ZNF675: variants seen among roughly 807,000 people sequenced by gnomAD.
ZNF675 encodes TRAF6 inhibitory zinc finger.
Under a neutral mutation model 56.1 loss-of-function variants are expected in ZNF675, and 36 were observed. The ratio of observed to expected loss-of-function variants is 0.64; its 90% CI spans 0.49 to 0.85. ZNF675 has a LOEUF of 0.85. ZNF675 is among the 40% of genes least tolerant of loss of function. The probability of loss-of-function intolerance (pLI) is 0.00; values close to 1 mark genes in which losing one functional copy is unlikely to be tolerated. For synonymous variants in ZNF675, 200 were observed against 218.9 expected (o/e 0.91, Z 0.76); for missense variants, 663 against 654.2 (o/e 1.01, Z -0.15).
chr19:23,658,187 T>C (rs1037605014), intron 3 of ZNF675, among the ~76,000 whole-genome samples: 1 of 151,740 alleles, frequency 6.6e-6, no homozygotes, highest in African/African-American at 2.4e-5. Context: ...GGTGAAACCC[T>C]GTCTCTACTA....
chr19:23,664,682 G>A (rs1426690044), intron 1 of ZNF675, among the ~76,000 whole-genome samples: 1 of 152,194 alleles, frequency 6.6e-6, no homozygotes, highest in Admixed American at 6.5e-5. Context: ...CGGGAACAGT[G>A]GCTCACACCT....
chr19:23,653,729 C>A lies in ZNF675; in HGVS notation c.1204G>T (p.Gly402Cys). Residue 402 changes from glycine (G) to cysteine (C), a missense_variant, in exon 4 of 4, where the codon GGC becomes TGC. Coordinates refer to ENST00000359788, the MANE Select transcript of ZNF675 (RefSeq NM_138330.3). ...GCTGAGGAGTGTTTAAAAGCTTTGC[C>A]ACATTCTTTACATTTGTAGGGTTTC... ...EEKPYKCKEC[G>C]KAFKHSSALT... 6.2e-7 allele frequency: 1 copy of A among 1,613,654 alleles called. No homozygotes were observed. Among genetic ancestry groups the A allele is most frequent in the South Asian group, 1.1e-5 (1 of 91,064 alleles).
At position 23,653,038 on chromosome 19, in the gene ZNF675, T is replaced by C. The variant is rs1327908887; in HGVS notation, c.*188A>G. On this transcript the variant is annotated 3_prime_UTR_variant, in exon 4 of 4. Transcript: ENST00000359788. The stretch of plus-strand genomic sequence containing the variant: ...TAAACGCTTTCCTGTGCAATAAGGT[T>C]TGAGCCTTAATTAACAGTATTGCCA... The C allele has an allele frequency of 3.5e-6, 2 of 565,032 alleles. No homozygotes were observed. Among genetic ancestry groups the C allele is most frequent in the African/African-American group, 3.7e-5 (2 of 53,360 alleles). The allele number at this position is 565,032 out of a possible 1,614,324, so 35.0% of individuals were successfully genotyped here.
intron 1 of ZNF675, among the ~76,000 whole-genome samples, chr19:23,668,546 C>T (rs6511483): frequency 0.97 from 147,861 of 152,218 alleles, 71,980 homozygotes; most frequent in Middle Eastern, 1. Flanking sequence ...AGCCCTTGGG[C>T]GGTCGATGGG....
intron 1 of ZNF675, among the ~76,000 whole-genome samples, chr19:23,663,574 C>T (rs1320411978): frequency 6.6e-6 from 1 of 152,076 alleles, no homozygotes; most frequent in Non-Finnish European, 1.5e-5. Context: ...TGCATGTAAT[C>T]CCAGCTACTC....
intron 1 of ZNF675, among the ~76,000 whole-genome samples, chr19:23,674,141 T>G (rs1968264297): frequency 6.6e-6 from 1 of 151,278 alleles, no homozygotes; most frequent in Admixed American, 6.6e-5. Context: ...AGGCAGAGGT[T>G]GCAGTGAGCC....
chr19:23,660,082 G>A (rs1369390619), intron 3 of ZNF675, among the ~76,000 whole-genome samples: 1 of 151,320 alleles, frequency 6.6e-6, no homozygotes, highest in African/African-American at 2.4e-5. Flanking sequence ...AAAATCCTCT[G>A]CCAAAATTCA....
intron 1 of ZNF675, 40 bp downstream of exon 1, chr19:23,686,991 C>T (rs750718536): frequency 6.2e-7 from 1 of 1,613,222 alleles, no homozygotes; most frequent in Admixed American, 1.7e-5. Context: ...TTCCAACCAG[C>T]CCCTTCCCCC....
chr19:23,655,203 C>G (rs910742568), intron 3 of ZNF675: 2 of 150,976 alleles, frequency 1.3e-5, no homozygotes, highest in Non-Finnish European at 2.9e-5. Flanking sequence ...CACCATTACA[C>G]TCCAGCCTGG....
intron 1 of ZNF675, among the ~76,000 whole-genome samples, chr19:23,666,328 G>C (rs918942996): frequency 6.6e-6 from 1 of 152,198 alleles, no homozygotes; most frequent in Non-Finnish European, 1.5e-5. Context: ...CAATCAATTG[G>C]ATATTTGCAG....
Position 23,662,174 on chromosome 19 carries a change from G to A in ZNF675, c.166C>T (p.Leu56=). 1 of 1,613,216 alleles carries A rather than the reference G, an allele frequency of 6.2e-7. No homozygotes were observed. ...GTCAAAGGCTCTTTTTCTTGCTCCA[G>A]ACAGGTGATCAGGTCTTGCTTAGAG... ...AVSKQDLITC[L]EQEKEPLTVK... Residue 56 remains leucine (L), a synonymous_variant, in exon 3 of 4, where the codon CTG becomes TTG. Coordinates refer to ENST00000359788, the MANE Select transcript of ZNF675 (RefSeq NM_138330.3).
chr19:23,663,739 C>T (rs1035157526), intron 1 of ZNF675, among the ~76,000 whole-genome samples: 1 of 152,132 alleles, frequency 6.6e-6, no homozygotes, highest in African/African-American at 2.4e-5. Context: ...TAATTAAGGG[C>T]ATAAACACAA....
At chr19:23,660,185 A>G (rs937511678) in intron 3 of ZNF675, among the ~76,000 whole-genome samples, 3 of 152,146 alleles carry the variant, frequency 2.0e-5, no homozygotes, top group African/African-American at 7.2e-5. Flanking sequence ...CCTTGTGACA[A>G]AGCTACAACC....
chr19:23,671,071 G>A (rs924685877), intron 1 of ZNF675, among the ~76,000 whole-genome samples: 1 of 152,132 alleles, frequency 6.6e-6, no homozygotes, highest in Non-Finnish European at 1.5e-5. Flanking sequence ...AAGTACAGAA[G>A]GTTACACAAA....
chr19:23,664,645 A>G (rs1285640268), intron 1 of ZNF675, among the ~76,000 whole-genome samples: 1 of 152,186 alleles, frequency 6.6e-6, no homozygotes, highest in Non-Finnish European at 1.5e-5. Flanking sequence ...TAGAGTCACA[A>G]GAGGCACTTA....
At chr19:23,685,882 C>T (rs573175668) in intron 1 of ZNF675, among the ~76,000 whole-genome samples, 1 of 152,230 alleles carries the variant, frequency 6.6e-6, no homozygotes, top group South Asian at 2.1e-4. Context: ...CTTGAGAGAA[C>T]TGTGAAAAAT....
At chr19:23,662,998 A>G (rs752723592) in intron 2 of ZNF675, 34 bp downstream of exon 2, 1 of 1,537,520 alleles carries the variant, frequency 6.5e-7, no homozygotes, top group South Asian at 1.2e-5. Flanking sequence ...AAAAACAAAA[A>G]AAAAAAGAAA....
At position 23,687,199 on chromosome 19, in the gene ZNF675, A is replaced by G; in HGVS notation, c.-166T>C. 1 of 792,058 alleles carries G rather than the reference A, an allele frequency of 1.3e-6. No homozygotes were observed. 49.1% of individuals were successfully genotyped at this position (792,058 alleles called of 1,614,324 possible). A position where few individuals can be genotyped will look rare whatever the true frequency, so the allele number is the denominator to read the frequency against. On this transcript the variant is annotated 5_prime_UTR_variant, in exon 1 of 4. Transcript: ENST00000359788. ...AGACAAAGGCGCCGCCAAATCCCGGAAGCCATCTTGTCTGCTCCAGCTGCG... is the reference window on the plus strand; with the variant it reads ...AGACAAAGGCGCCGCCAAATCCCGGGAGCCATCTTGTCTGCTCCAGCTGCG...
At chr19:23,669,096 C>T (rs1286446761) in intron 1 of ZNF675, among the ~76,000 whole-genome samples, 2 of 152,192 alleles carry the variant, frequency 1.3e-5, no homozygotes, top group African/African-American at 4.8e-5. Flanking sequence ...CTCTCAAGAC[C>T]TTTTCCTTTT....
Sources: allele counts gnomAD v4.1 joint callset (sites outside exome capture counted in the v4.1 genomes callset), GRCh38; gene constraint gnomAD v4.1.1; transcripts MANE v1.5; gene names NCBI Gene and HGNC (gene_info 2026-07-23, HGNC 2026-07-21).